ANKFN1: variants seen among roughly 807,000 people sequenced by gnomAD.
ANKFN1 encodes the protein ankyrin repeat and fibronectin type-III domain-containing protein 1.
Under a neutral mutation model 108.7 loss-of-function variants are expected in ANKFN1, and 74 were observed. The observed-to-expected ratio is 0.68, with a 90% confidence interval of 0.56 to 0.83. The LOEUF (loss-of-function observed/expected upper bound fraction) is 0.83. ANKFN1 is among the 40% of genes least tolerant of loss of function. The pLI is 0.00. For synonymous variants in ANKFN1, 547 were observed against 516.2 expected, an observed-to-expected ratio of 1.06 and a Z score of -0.81; for missense variants, 1,505 against 1,382.3, an observed-to-expected ratio of 1.09 and a Z score of -1.41.
chr17:56,293,380 C>T (rs1010546270), intron 3 of ANKFN1, among the ~76,000 whole-genome samples: 2 of 152,100 alleles, frequency 1.3e-5, no homozygotes, highest in Non-Finnish European at 2.9e-5. Context: ...AAAAACAAAC[C>T]CAACAACTTT....
intron 8 of ANKFN1, among the ~76,000 whole-genome samples, chr17:56,394,801 C>T (rs982427488): frequency 6.6e-6 from 1 of 152,174 alleles, no homozygotes; most frequent in Non-Finnish European, 1.5e-5. Context: ...CACCTTCTCC[C>T]TGCAGAGATT....
At chr17:56,290,964 A>T (rs1424298689) in intron 3 of ANKFN1, among the ~76,000 whole-genome samples, 1 of 152,168 alleles carries the variant, frequency 6.6e-6, no homozygotes, top group Admixed American at 6.5e-5. Flanking sequence ...GAGAACAATG[A>T]CTTAATAAAT....
At position 56,390,675 on chromosome 17, in the gene ANKFN1, T is replaced by C. The variant is rs191113455; in HGVS notation, c.910+15961T>C. On this transcript the variant is annotated intron_variant, in intron 8 of 20. Transcript: ENST00000682825. ...TACAGTCCCACCAATAGTGTAAAAGTGTTCCTGTTTCTCCACATCCTCACC... is the reference window on the plus strand; with the variant it reads ...TACAGTCCCACCAATAGTGTAAAAGCGTTCCTGTTTCTCCACATCCTCACC... Among the ~76,000 whole-genome samples, 64 of 152,308 alleles carry C rather than the reference T, an allele frequency of 4.2e-4. 2 individuals are homozygous for C. Among genetic ancestry groups the C allele is most frequent in the Admixed American group, 3.8e-3 (58 of 15,298 alleles).
At chr17:56,491,167 T>C (rs1441767460) in intron 18 of ANKFN1, among the ~76,000 whole-genome samples, 1 of 152,142 alleles carries the variant, frequency 6.6e-6, no homozygotes, top group Non-Finnish European at 1.5e-5. Flanking sequence ...CTTCCTAGAA[T>C]TCCTCACTAA....
At chr17:56,374,304 G>A (rs932416491) in intron 7 of ANKFN1, among the ~76,000 whole-genome samples, 2 of 152,152 alleles carry the variant, frequency 1.3e-5, no homozygotes, top group African/African-American at 4.8e-5. Flanking sequence ...ATCACTTCCT[G>A]CCTTTCTCTT....
intron 3 of ANKFN1, among the ~76,000 whole-genome samples, chr17:56,312,046 T>C (rs2144445867): frequency 6.6e-6 from 1 of 152,302 alleles, no homozygotes; most frequent in Non-Finnish European, 1.5e-5. Context: ...GAGCCATTCC[T>C]AAATATTCTA....
chr17:56,207,654 T>G lies in ANKFN1; in HGVS notation c.-70-4944T>G, dbSNP rs140964316. Among the ~76,000 whole-genome samples, 273 of 152,308 alleles carry G rather than the reference T, an allele frequency of 1.8e-3. 3 individuals carry two copies. The highest frequency in any genetic ancestry group is 6.3e-3 in the African/African-American group (262 of 41,578). On this transcript the variant is annotated intron_variant, in intron 1 of 20. Transcript: ENST00000682825. The stretch of plus-strand genomic sequence containing the variant: ...TCCACTCTTTTCAGACAAACTCAGC[T>G]GTTTGTAAAGGTGTAATATTCTTCC...
intron 3 of ANKFN1, among the ~76,000 whole-genome samples, chr17:56,294,592 G>T (rs964538021): frequency 2.6e-5 from 4 of 152,216 alleles, no homozygotes; most frequent in African/African-American, 9.6e-5. Context: ...GTGTAGCCTA[G>T]TGCAGCACTT....
chr17:56,195,002 A>G (rs1294174852), intron 1 of ANKFN1, among the ~76,000 whole-genome samples: 1 of 152,226 alleles, frequency 6.6e-6, no homozygotes, highest in Non-Finnish European at 1.5e-5. Context: ...AAGATGTTTC[A>G]TGAACGAAAG....
intron 4 of ANKFN1, among the ~76,000 whole-genome samples, chr17:56,048,699 G>T (rs562874759): frequency 1.3e-5 from 2 of 152,336 alleles, no homozygotes; most frequent in South Asian, 4.2e-4. Flanking sequence ...GAAAGGAAAG[G>T]TAGAAGATCT....
At chr17:56,369,143 T>C (rs1448123383) in intron 6 of ANKFN1, among the ~76,000 whole-genome samples, 1 of 152,184 alleles carries the variant, frequency 6.6e-6, no homozygotes. Context: ...ATCTGGACAT[T>C]CAAGGAATTG....
intron 1 of ANKFN1, chr17:56,206,874 T>A (rs1259671260): frequency 6.6e-6 from 1 of 152,164 alleles, no homozygotes; most frequent in East Asian, 1.9e-4. Context: ...TGGGTCTTCT[T>A]GTGACTCAGT....
At chr17:56,415,555 T>C (rs1284442419) in intron 8 of ANKFN1, among the ~76,000 whole-genome samples, 2 of 152,046 alleles carry the variant, frequency 1.3e-5, no homozygotes, top group East Asian at 1.9e-4. Context: ...ATGAAAGAAA[T>C]TGCAGAGGAC....
At chr17:56,164,933 A>G (rs539019214) in intron 1 of ANKFN1, among the ~76,000 whole-genome samples, 12 of 152,342 alleles carry the variant, frequency 7.9e-5, no homozygotes, top group African/African-American at 2.9e-4. Context: ...GGTGTAGTGA[A>G]AAGTACACTG....
At chr17:56,481,372 C>T (rs1477062611) in intron 17 of ANKFN1, among the ~76,000 whole-genome samples, 1 of 152,004 alleles carries the variant, frequency 6.6e-6, no homozygotes, top group Non-Finnish European at 1.5e-5. Context: ...AAACTGTTGG[C>T]ATAAAGGAGA....
chr17:56,461,422 A>T (rs1415536699), intron 14 of ANKFN1, among the ~76,000 whole-genome samples: 1 of 152,174 alleles, frequency 6.6e-6, no homozygotes, highest in African/African-American at 2.4e-5. Flanking sequence ...CCACAATTTC[A>T]CACTGTTCCG....
At chr17:56,189,782 G>T (rs1393590347) in intron 1 of ANKFN1, among the ~76,000 whole-genome samples, 1 of 152,100 alleles carries the variant, frequency 6.6e-6, no homozygotes, top group Non-Finnish European at 1.5e-5. Context: ...ACCCCAGCTG[G>T]AATAAACAAA....
At chr17:56,396,444 T>C (rs894135266) in intron 8 of ANKFN1, among the ~76,000 whole-genome samples, 1 of 151,370 alleles carries the variant, frequency 6.6e-6, no homozygotes, top group Non-Finnish European at 1.5e-5. Context: ...CTAGACTTCG[T>C]CTGCAAAAAA....
At chr17:56,048,903 G>A (rs1439498574) in intron 4 of ANKFN1, among the ~76,000 whole-genome samples, 3 of 152,178 alleles carry the variant, frequency 2.0e-5, no homozygotes, top group Non-Finnish European at 4.4e-5. Context: ...TGGCAGAGTG[G>A]GTGTGGGGTT....
Sources: allele counts gnomAD v4.1 joint callset (sites outside exome capture counted in the v4.1 genomes callset), GRCh38; gene constraint gnomAD v4.1.1; transcripts MANE v1.5; gene names NCBI Gene and HGNC (gene_info 2026-07-23, HGNC 2026-07-21).